The following DCC variants were observed in gnomAD, a reference collection of about 807,000 sequenced individuals.
The protein encoded by DCC is DCC netrin 1 receptor.
In DCC, 58 loss-of-function variants were observed where a neutral mutation model predicts 172.5. The ratio of observed to expected loss-of-function variants is 0.34; its 90% confidence interval spans 0.27 to 0.42. DCC has a LOEUF of 0.42. DCC is among the 10% of genes least tolerant of loss of function. The probability of loss-of-function intolerance (pLI) is 1.00; values close to 1 mark genes in which losing one functional copy is unlikely to be tolerated. For missense variants in DCC, 1,740 were observed against 1,791.0 expected, an observed-to-expected ratio of 0.97 and a Z score of 0.51; for synonymous variants, 709 against 644.5, an observed-to-expected ratio of 1.10 and a Z score of -1.52.
intron 1 of DCC, among the ~76,000 whole-genome samples, chr18:52,598,339 T>C (rs1328344735): frequency 1.3e-5 from 2 of 152,156 alleles, no homozygotes; most frequent in Non-Finnish European, 2.9e-5. Flanking sequence ...AGACCCCTGA[T>C]GGGGTTTTCT....
intron 12 of DCC, among the ~76,000 whole-genome samples, chr18:53,268,303 T>C (rs762133390): frequency 2.0e-5 from 3 of 152,202 alleles, no homozygotes; most frequent in Non-Finnish European, 4.4e-5. Flanking sequence ...CACATACTTA[T>C]GTAAATAGAA....
chr18:53,088,681 GA>G (rs2042957496), intron 7 of DCC, among the ~76,000 whole-genome samples: 1 of 151,752 alleles, frequency 6.6e-6, no homozygotes, highest in African/African-American at 2.4e-5. Flanking sequence ...GACTAATAAA[GA>G]AAAAAAGAGA....
intron 1 of DCC, among the ~76,000 whole-genome samples, chr18:52,364,358 C>T (rs1421383302): frequency 6.7e-6 from 1 of 149,112 alleles, no homozygotes. Flanking sequence ...ATATAAATCA[C>T]TCATCGTTAC....
chr18:52,818,772 A>G (rs772340014), intron 2 of DCC, among the ~76,000 whole-genome samples: 5 of 152,212 alleles, frequency 3.3e-5, no homozygotes, highest in Non-Finnish European at 7.3e-5. Context: ...ACATGCTAGG[A>G]AATGCATAAC....
chr18:52,908,915 T>C (rs1303282928), intron 3 of DCC, among the ~76,000 whole-genome samples: 2 of 152,160 alleles, frequency 1.3e-5, no homozygotes, highest in Admixed American at 1.3e-4. Context: ...TACACATGCA[T>C]GCGCACACAC....
rs568842951 is a variant in DCC at position 53,141,093 on chromosome 18, G to A, written c.1262-16263G>A. On this transcript the variant is annotated intron_variant, in intron 7 of 28. Coordinates refer to ENST00000442544, the MANE Select transcript of DCC (RefSeq NM_005215.4). ...AAATGTTTATAAAGCATGAATCCTG[G>A]TTAAAAAAAATTATGTCAGAGAAAA... Among the ~76,000 whole-genome samples the A allele has an allele frequency of 6.6e-5, 10 of 152,132 alleles. No homozygotes were observed. In the East Asian group the frequency reaches 1.9e-3, roughly 29 times the overall value.
At chr18:52,458,364 C>T (rs979171627) in intron 1 of DCC, among the ~76,000 whole-genome samples, 1 of 152,076 alleles carries the variant, frequency 6.6e-6, no homozygotes, top group African/African-American at 2.4e-5. Context: ...CTCATTGTCC[C>T]CCCCTGACTG....
In DCC at chr18:52,373,887, C is replaced by CTTTTTTT. The variant is rs779518696; in HGVS notation, c.91+33009_91+33010insTTTTTTT. On this transcript the variant is annotated intron_variant, in intron 1 of 28. Transcript: ENST00000442544. ...ATCAATGAAGCATATTTGGTTGCATCATTTTTTTTTTTTTTTTTTTTTTGA... is the reference window on the plus strand; with the variant it reads ...ATCAATGAAGCATATTTGGTTGCATCTTTTTTTATTTTTTTTTTTTTTTTTTTTTTGA... 1.5e-4 allele frequency among the ~76,000 whole-genome samples: 21 copies of CTTTTTTT among 141,148 alleles called. 1 individual carries two copies. The highest frequency in any genetic ancestry group is 1.6e-4 in the African/African-American group (6 of 37,840). 92.6% of individuals were successfully genotyped at this position (141,148 alleles called of 152,430 possible).
intron 12 of DCC, among the ~76,000 whole-genome samples, chr18:53,259,471 G>A (rs1175617738): frequency 6.6e-6 from 1 of 152,074 alleles, no homozygotes; most frequent in East Asian, 1.9e-4. Flanking sequence ...CACTTCTGAA[G>A]CTTAGTTTGG....
At chr18:53,050,193 T>C (rs2042315450) in intron 5 of DCC, among the ~76,000 whole-genome samples, 1 of 152,108 alleles carries the variant, frequency 6.6e-6, no homozygotes, top group South Asian at 2.1e-4. Context: ...GCAGAGTGGA[T>C]GGTGCCCACC....
In DCC at chr18:53,157,384, G is replaced by A. The variant is rs773303536; in HGVS notation, c.1290G>A (p.Ser430=). ...PAIPSSSVLP[S]APRDVVPVLV... ...TCCCAAGCTCCAGTGTCCTCCCTTC[G>A]GCTCCCAGAGATGTGGTCCCTGTCT... is the stretch of plus-strand genomic sequence containing the variant. The change falls in exon 8 of 29, where the codon TCG becomes TCA. Residue 430 remains serine (S), a synonymous_variant. Coordinates refer to ENST00000442544, the MANE Select transcript of DCC (RefSeq NM_005215.4). The A allele has an allele frequency of 2.0e-5, 32 of 1,613,912 alleles. No individual in the cohort carries two copies. Among genetic ancestry groups the A allele is most frequent in the African/African-American group, 1.2e-4 (9 of 74,940 alleles).
intron 5 of DCC, among the ~76,000 whole-genome samples, chr18:52,960,882 T>C (rs755290638): frequency 6.6e-6 from 1 of 152,164 alleles, no homozygotes; most frequent in Admixed American, 6.6e-5. Context: ...CATATAGTGA[T>C]ATTATTTTAT....
intron 1 of DCC, among the ~76,000 whole-genome samples, chr18:52,427,916 A>G (rs897558382): frequency 7.0e-6 from 1 of 142,062 alleles, no homozygotes; most frequent in Middle Eastern, 3.6e-3. Flanking sequence ...TGAAACACTC[A>G]AAGTATTATC....
At chr18:53,382,047 C>T (rs968735111) in intron 15 of DCC, among the ~76,000 whole-genome samples, 1 of 135,842 alleles carries the variant, frequency 7.4e-6, no homozygotes, top group Non-Finnish European at 1.6e-5. Flanking sequence ...TTTTTCTTTT[C>T]TCTCTCTCTC....
chr18:53,277,977 C>T (rs1461623772), intron 12 of DCC, among the ~76,000 whole-genome samples: 1 of 152,090 alleles, frequency 6.6e-6, no homozygotes, highest in African/African-American at 2.4e-5. Context: ...TGACTGTGGG[C>T]TTCTTTTATG....
At chr18:52,631,675 C>T (rs552164545) in intron 1 of DCC, among the ~76,000 whole-genome samples, 4 of 152,224 alleles carry the variant, frequency 2.6e-5, no homozygotes, top group African/African-American at 7.2e-5. Flanking sequence ...CAAATTTTGT[C>T]GCATTGGTCT....
chr18:53,066,353 G>GTATATATA (rs10526030), intron 7 of DCC, among the ~76,000 whole-genome samples, 187 bp downstream of exon 7: 87 of 94,522 alleles, frequency 9.2e-4, no homozygotes, highest in Non-Finnish European at 1.4e-3. Flanking sequence ...GTACATGTGT[G>GTATATATA]TATATATATA....
chr18:52,476,441 T>C (rs1209500227), intron 1 of DCC, among the ~76,000 whole-genome samples: 1 of 152,186 alleles, frequency 6.6e-6, no homozygotes, highest in African/African-American at 2.4e-5. Context: ...AATTTTTCTT[T>C]TATTCATTTA....
intron 1 of DCC, among the ~76,000 whole-genome samples, chr18:52,435,499 A>G (rs1439654367): frequency 6.6e-6 from 1 of 152,102 alleles, no homozygotes; most frequent in African/African-American, 2.4e-5. Context: ...AATGCTCTCT[A>G]ATCCCTGCAG....
Sources: gnomAD v4.1 joint callset for allele counts (sites outside exome capture counted in the v4.1 genomes callset) on GRCh38, gnomAD v4.1.1 for gene constraint, MANE v1.5 for transcripts, NCBI Gene and HGNC (gene_info 2026-07-23, HGNC 2026-07-21) for gene names.